CEACAM7: variants seen among roughly 807,000 people sequenced by gnomAD.
CEACAM7 encodes CEA cell adhesion molecule 7, also known as cell adhesion molecule CEACAM7.
A neutral mutation model predicts 25.7 loss-of-function variants in CEACAM7; 24 were observed. The ratio of observed to expected loss-of-function variants is 0.93; its 90% CI spans 0.68 to 1.31. The LOEUF (loss-of-function observed/expected upper bound fraction) is 1.31, where lower values mean the gene tolerates loss of function less well. CEACAM7 is among the 40% of genes most tolerant of loss of function. CEACAM7 has a pLI of 0.00. For missense variants in CEACAM7, 324 were observed against 330.1 expected, an observed-to-expected ratio of 0.98 and a Z score of 0.14; for synonymous variants, 144 against 129.4, an observed-to-expected ratio of 1.11 and a Z score of -0.77.
chr19:41,687,631 G>C (rs80242659), intron 1 of CEACAM7, among the ~76,000 whole-genome samples: 1 of 152,218 alleles, frequency 6.6e-6, no homozygotes, highest in Non-Finnish European at 1.5e-5. Context: ...TGCCGCATGA[G>C]AGCGTGAGCT....
chr19:41,685,311 CT>C (rs1174013598), intron 2 of CEACAM7, among the ~76,000 whole-genome samples: 28 of 149,078 alleles, frequency 1.9e-4, no homozygotes, highest in Admixed American at 3.3e-4. Flanking sequence ...TGGGTGGCTT[CT>C]TTTTTTTTTA....
chr19:41,686,973 T>C lies in CEACAM7; in HGVS notation c.313A>G (p.Asn105Asp). The C allele has an allele frequency of 6.2e-7, 1 of 1,612,024 alleles. No homozygotes were observed. The highest frequency in any genetic ancestry group is 8.5e-7 in the Non-Finnish European group (1 of 1,179,054). ...AHNGRETIYP[N>D]GTLLIQNVTH... ...ACGTTCTGGATCAGCAGGGTTCCAT[T>C]GGGGTATATTGTCTCTCGACCGTTG... The change falls in exon 2 of 5, where the codon AAT (asparagine) becomes GAT (aspartate). Residue 105 changes from asparagine (N) to aspartate (D), a missense_variant. Transcript: ENST00000401731.
At chr19:41,681,257 GA>G (rs199995521) in intron 3 of CEACAM7, among the ~76,000 whole-genome samples, 1 of 151,620 alleles carries the variant, frequency 6.6e-6, no homozygotes, top group Non-Finnish European at 1.5e-5. Flanking sequence ...TTGATTTAAA[GA>G]AAAAAAAGAA....
chr19:41,682,406 T>C (rs1438819537), intron 3 of CEACAM7, among the ~76,000 whole-genome samples: 2 of 152,144 alleles, frequency 1.3e-5, no homozygotes, highest in Admixed American at 6.5e-5. Flanking sequence ...TCCCTATTTG[T>C]CCAAATGTTC....
chr19:41,684,960 C>T (rs1555811072), intron 2 of CEACAM7, among the ~76,000 whole-genome samples: 1 of 152,190 alleles, frequency 6.6e-6, no homozygotes, highest in African/African-American at 2.4e-5. Flanking sequence ...AGTGAGATGC[C>T]AGTGGCTGGT....
chr19:41,682,131 G>A lies in CEACAM7; in HGVS notation c.706+1654C>T, dbSNP rs190529892. ...TTCGCTAATTTTTTGGGAAGACAGTGTTTCACCATGTTGTGCAGGCTGGTA... is the reference window on the plus strand; with the variant it reads ...TTCGCTAATTTTTTGGGAAGACAGTATTTCACCATGTTGTGCAGGCTGGTA... On this transcript the variant is annotated intron_variant, in intron 3 of 4. Transcript: ENST00000401731. 4.4e-3 allele frequency among the ~76,000 whole-genome samples: 677 copies of A among 152,198 alleles called. 27 individuals are homozygous for A. The highest frequency in any genetic ancestry group is 0.039 in the Admixed American group (603 of 15,276).
chr19:41,687,507 A>G (rs2072241208), intron 1 of CEACAM7, among the ~76,000 whole-genome samples: 1 of 152,104 alleles, frequency 6.6e-6, no homozygotes, highest in Non-Finnish European at 1.5e-5. Context: ...CTTCCCTGAC[A>G]CCTTCTCTAG....
At chr19:41,676,904 G>A (rs1195019456) in intron 4 of CEACAM7, among the ~76,000 whole-genome samples, 1 of 152,168 alleles carries the variant, frequency 6.6e-6, no homozygotes, top group African/African-American at 2.4e-5. Context: ...AAGTAAAAAG[G>A]ATTCATGAAG....
At position 41,688,157 on chromosome 19, in the gene CEACAM7, G is replaced by C; in HGVS notation, c.9C>G (p.Ser3=). 1 of 1,610,454 alleles carries C rather than the reference G, an allele frequency of 6.2e-7. No individual in the cohort carries two copies. The highest frequency in any genetic ancestry group is 1.1e-5 in the South Asian group (1 of 90,714). The part of the protein sequence containing the change: MG[S]PSACPYRVCI... ...ACACTCTGTATGGACAGGCTGAAGGGGACCCCATGGTCTCTGCTGCCTGCT... is the reference window on the plus strand; with the variant it reads ...ACACTCTGTATGGACAGGCTGAAGGCGACCCCATGGTCTCTGCTGCCTGCT... Residue 3 remains serine (S), a synonymous_variant, in exon 1 of 5, where the codon TCC becomes TCG. Transcript: ENST00000401731.
intron 3 of CEACAM7, 43 bp from the exon 4 acceptor site, chr19:41,677,546 T>C (rs781903821): frequency 1.3e-6 from 2 of 1,484,150 alleles, no homozygotes; most frequent in Non-Finnish European, 1.9e-6. Context: ...TGATCTTATT[T>C]TACAGGGAAG....
chr19:41,675,644 C>A (rs188158993), intron 4 of CEACAM7, among the ~76,000 whole-genome samples: 13 of 152,274 alleles, frequency 8.5e-5, no homozygotes, highest in African/African-American at 2.9e-4. Flanking sequence ...GGACTGTAAC[C>A]ATTTCCAAGT....
intron 4 of CEACAM7, among the ~76,000 whole-genome samples, chr19:41,675,439 A>G (rs1555810041): frequency 6.6e-6 from 1 of 152,218 alleles, no homozygotes; most frequent in African/African-American, 2.4e-5. Flanking sequence ...CATTATCCTC[A>G]TTAGTTCATC....
intron 3 of CEACAM7, among the ~76,000 whole-genome samples, chr19:41,680,906 A>G (rs2072168220): frequency 6.6e-6 from 1 of 152,178 alleles, no homozygotes; most frequent in African/African-American, 2.4e-5. Context: ...CAACAAAAAA[A>G]AAACAGACAA....
chr19:41,688,101 C>T lies in CEACAM7; in HGVS notation c.64+1G>A. On this transcript the variant is annotated splice_donor_variant, in intron 1 of 4. Transcript: ENST00000401731. LOFTEE classifies it high-confidence loss of function. ...CCACTCCCAGGAAGTCCTCCCCTCA[C>T]CTGTGAGCAGGAGCCCCTGCCAGGG... 1 of 1,610,548 alleles carries T rather than the reference C, an allele frequency of 6.2e-7. No homozygotes were observed.
At chr19:41,687,666 A>T (rs141356150) in intron 1 of CEACAM7, among the ~76,000 whole-genome samples, 2,245 of 152,258 alleles carry the variant, frequency 0.015, 40 homozygotes, top group Admixed American at 0.058. Flanking sequence ...ACTTGTGTGA[A>T]CTGGATTGCA....
chr19:41,686,848 G>C lies in CEACAM7; in HGVS notation c.427+11C>G, dbSNP rs781992219. The stretch of plus-strand genomic sequence containing the variant: ...CCCCCAGCACCCAGAAGTCATGGAG[G>C]TATCACTCACAGAATACGTAGAATT... On this transcript the variant is annotated intron_variant, in intron 2 of 4. Coordinates refer to ENST00000401731, the MANE Select transcript of CEACAM7 (RefSeq NM_001291485.2). The C allele has an allele frequency of 1.3e-6, 2 of 1,522,802 alleles. No individual in the cohort carries two copies. The highest frequency in any genetic ancestry group is 1.8e-6 in the Non-Finnish European group (2 of 1,138,182). The allele number at this position is 1,522,802 out of a possible 1,614,324, so 94.3% of individuals were successfully genotyped here. A position where few individuals can be genotyped will look rare whatever the true frequency, so the allele number is the denominator to read the frequency against.
chr19:41,673,991 G>A lies in CEACAM7; in HGVS notation c.*785C>T, dbSNP rs1396816149. The A allele has an allele frequency of 6.6e-6, 1 of 152,140 alleles. No homozygotes were observed. Among genetic ancestry groups the A allele is most frequent in the Non-Finnish European group, 1.5e-5 (1 of 68,032 alleles). The allele number at this position is 152,140 out of a possible 1,614,324, so 9.4% of individuals were successfully genotyped here. ...AATAAAAGAGAATAGATTAAAGAATGAGCCACATGAGAAGCCTACCCATTT... is the reference window on the plus strand; with the variant it reads ...AATAAAAGAGAATAGATTAAAGAATAAGCCACATGAGAAGCCTACCCATTT... On this transcript the variant is annotated 3_prime_UTR_variant, in exon 5 of 5. Transcript: ENST00000401731.
chr19:41,681,707 A>T (rs1298652593), intron 3 of CEACAM7, among the ~76,000 whole-genome samples: 3 of 152,222 alleles, frequency 2.0e-5, no homozygotes, highest in African/African-American at 7.2e-5. Flanking sequence ...TGCTAAGTGA[A>T]ATGTGGCCAG....
At chr19:41,682,776 G>A (rs115133631) in intron 3 of CEACAM7, among the ~76,000 whole-genome samples, 730 of 152,282 alleles carry the variant, frequency 4.8e-3, no homozygotes, top group African/African-American at 0.017. Context: ...CTTCTTCCTT[G>A]TAGCTCATGA....
Sources: gnomAD v4.1 joint callset for allele counts (sites outside exome capture counted in the v4.1 genomes callset) on GRCh38, gnomAD v4.1.1 for gene constraint, MANE v1.5 for transcripts, NCBI Gene and HGNC (gene_info 2026-07-23, HGNC 2026-07-21) for gene names.